The following LRRTM4 variants were observed in gnomAD, a reference collection of about 807,000 sequenced individuals.
LRRTM4 encodes leucine-rich repeat transmembrane neuronal protein 4.
A neutral mutation model predicts 47.6 loss-of-function variants in LRRTM4; 25 were observed. The ratio of observed to expected loss-of-function variants is 0.53; its 90% CI spans 0.38 to 0.73. LRRTM4 has a LOEUF of 0.73. Ranked by LOEUF, LRRTM4 falls within the 30% of genes least tolerant of loss-of-function variation. The probability of loss-of-function intolerance (pLI) is 0.00; values close to 1 mark genes in which losing one functional copy is unlikely to be tolerated. For synonymous variants in LRRTM4, 311 were observed against 269.5 expected, an observed-to-expected ratio of 1.15 and a Z score of -1.51; for missense variants, 638 against 713.4, an observed-to-expected ratio of 0.89 and a Z score of 1.20.
chr2:76,975,799 A>G (rs1676399038), intron 3 of LRRTM4, among the ~76,000 whole-genome samples: 1 of 151,808 alleles, frequency 6.6e-6, no homozygotes, highest in South Asian at 2.1e-4. Context: ...AAACAAGTCA[A>G]ATCAGTGTCT....
intron 3 of LRRTM4, among the ~76,000 whole-genome samples, chr2:76,917,943 A>G (rs1416656985): frequency 6.6e-6 from 1 of 152,156 alleles, no homozygotes; most frequent in Non-Finnish European, 1.5e-5. Flanking sequence ...GAAGAGAAAC[A>G]TGCTTCCAAA....
intron 3 of LRRTM4, among the ~76,000 whole-genome samples, chr2:77,419,761 T>G (rs1479869875): frequency 6.6e-6 from 1 of 151,846 alleles, no homozygotes; most frequent in Non-Finnish European, 1.5e-5. Flanking sequence ...TTGGGTGGGG[T>G]TTCAAATAAA....
intron 3 of LRRTM4, among the ~76,000 whole-genome samples, chr2:77,104,777 C>T (rs916831089): frequency 6.6e-6 from 1 of 152,052 alleles, no homozygotes; most frequent in Non-Finnish European, 1.5e-5. Context: ...CAGAGGTGAG[C>T]GCCAGGGTAC....
intron 3 of LRRTM4, among the ~76,000 whole-genome samples, chr2:77,348,952 G>C (rs1671664862): frequency 6.6e-6 from 1 of 151,668 alleles, no homozygotes; most frequent in African/African-American, 2.4e-5. Context: ...AAACTCTAAA[G>C]AAAACAAAAA....
chr2:77,078,511 A>G (rs990560403), intron 3 of LRRTM4, among the ~76,000 whole-genome samples: 2 of 152,164 alleles, frequency 1.3e-5, no homozygotes, highest in African/African-American at 4.8e-5. Context: ...TCTTCATTAT[A>G]AAGTGTATAT....
At chr2:77,421,893 A>G (rs902608666) in intron 3 of LRRTM4, among the ~76,000 whole-genome samples, 1 of 152,206 alleles carries the variant, frequency 6.6e-6, no homozygotes, top group Admixed American at 6.5e-5. Context: ...CACATAAACA[A>G]CAGTGGTCTT....
intron 3 of LRRTM4, among the ~76,000 whole-genome samples, chr2:77,135,971 A>AAAT (rs2103986754): frequency 6.6e-6 from 1 of 152,226 alleles, no homozygotes; most frequent in East Asian, 1.9e-4. Flanking sequence ...ATTAATACCT[A>AAAT]AATACCCAAT....
chr2:77,285,340 T>TTTTATATATATATATATATATA (rs1553422162), intron 3 of LRRTM4, among the ~76,000 whole-genome samples: 2 of 82,608 alleles, frequency 2.4e-5, no homozygotes, highest in Non-Finnish European at 4.7e-5. Context: ...AGCATTAAAT[T>TTTTATATATATATATATATATA]TATATATATA....
Position 77,243,735 on chromosome 2 carries a change from G to A in LRRTM4, c.1551+274583C>T, listed in dbSNP as rs187456475. On this transcript the variant is annotated intron_variant, in intron 3 of 3. Transcript: ENST00000409884. ...CAAATTAGAATTTTATTTTTAAAAA[G>A]GGATAATTGATACCATATCCCTTTT... is the stretch of plus-strand genomic sequence containing the variant. 4.2e-3 allele frequency among the ~76,000 whole-genome samples: 634 copies of A among 150,852 alleles called. 3 individuals carry two copies. Among genetic ancestry groups the A allele is most frequent in the African/African-American group, 0.015 (603 of 41,068 alleles).
chr2:76,800,213 C>A (rs949290180), intron 3 of LRRTM4, among the ~76,000 whole-genome samples: 2 of 146,436 alleles, frequency 1.4e-5, no homozygotes, highest in Admixed American at 1.4e-4. Flanking sequence ...TACTACAAGG[C>A]GACAGTGACC....
intron 3 of LRRTM4, among the ~76,000 whole-genome samples, chr2:76,994,084 C>T (rs575074194): frequency 4.6e-5 from 7 of 151,670 alleles, no homozygotes; most frequent in Admixed American, 1.3e-4. Context: ...CCAATGTCCA[C>T]GGCAACAATA....
chr2:76,875,832 G>T (rs1193137302), intron 3 of LRRTM4, among the ~76,000 whole-genome samples: 1 of 152,108 alleles, frequency 6.6e-6, no homozygotes, highest in East Asian at 1.9e-4. Context: ...TCTTTCAAAG[G>T]CATCAATGTG....
chr2:77,099,725 G>C (rs1161319084), intron 3 of LRRTM4, among the ~76,000 whole-genome samples: 1 of 151,892 alleles, frequency 6.6e-6, no homozygotes, highest in African/African-American at 2.4e-5. Flanking sequence ...TGTTTATGTG[G>C]AGAAGCTGAA....
chr2:76,817,041 G>T (rs1340560166), intron 3 of LRRTM4, among the ~76,000 whole-genome samples: 1 of 151,470 alleles, frequency 6.6e-6, no homozygotes, highest in African/African-American at 2.4e-5. Flanking sequence ...TTAAAATTTT[G>T]ATATTAACAA....
At chr2:77,455,375 G>A (rs1676490327) in intron 3 of LRRTM4, among the ~76,000 whole-genome samples, 1 of 152,064 alleles carries the variant, frequency 6.6e-6, no homozygotes, top group South Asian at 2.1e-4. Flanking sequence ...CTCAAGATCA[G>A]TTATCAGTAA....
intron 3 of LRRTM4, among the ~76,000 whole-genome samples, chr2:77,083,961 C>T (rs1017922106): frequency 6.6e-6 from 1 of 151,426 alleles, no homozygotes; most frequent in Admixed American, 6.6e-5. Flanking sequence ...CCCGCCACTG[C>T]GCCTGGCTAA....
chr2:77,339,920 C>T (rs546254015), intron 3 of LRRTM4, among the ~76,000 whole-genome samples: 21 of 151,902 alleles, frequency 1.4e-4, no homozygotes, highest in African/African-American at 2.7e-4. Flanking sequence ...AATAGAATGA[C>T]GCACGTTGAC....
At position 77,039,327 on chromosome 2, in the gene LRRTM4, T is replaced by C. The variant is rs1212770535; in HGVS notation, c.1552-290411A>G. Among the ~76,000 whole-genome samples, 3 of 15,930 alleles carry C rather than the reference T, an allele frequency of 1.9e-4. No individual in the cohort carries two copies. The South Asian group carries it at 5.2e-3, about 28-fold the overall frequency. 10.5% of individuals were successfully genotyped at this position (15,930 alleles called of 152,430 possible). A position where few individuals can be genotyped will look rare whatever the true frequency, so the allele number is the denominator to read the frequency against. The stretch of plus-strand genomic sequence containing the variant: ...TCAAATGTTTTTAAAATTGTAAGTC[T>C]TTTTTTTTTTTTAAATGAAGGCAAA... On this transcript the variant is annotated intron_variant, in intron 3 of 3. Transcript: ENST00000409884.
At chr2:77,095,125 C>T (rs181749800) in intron 3 of LRRTM4, among the ~76,000 whole-genome samples, 1 of 152,244 alleles carries the variant, frequency 6.6e-6, no homozygotes, top group African/African-American at 2.4e-5. Context: ...AGACATTTCT[C>T]AACAGAAGAG....
Sources: allele counts gnomAD v4.1 joint callset (sites outside exome capture counted in the v4.1 genomes callset), GRCh38; gene constraint gnomAD v4.1.1; transcripts MANE v1.5; gene names NCBI Gene and HGNC (gene_info 2026-07-23, HGNC 2026-07-21).